PACRG: variants seen among roughly 807,000 people sequenced by gnomAD.
The protein encoded by PACRG is parkin coregulated gene protein.
A neutral mutation model predicts 29.7 loss-of-function variants in PACRG; 29 were observed. That is an observed-to-expected ratio of 0.98 (90% confidence interval 0.73 to 1.33). The LOEUF is 1.33. Ranked by LOEUF, PACRG falls within the 40% of genes most tolerant of loss-of-function variation. The probability of loss-of-function intolerance (pLI) is 0.00; values close to 1 mark genes in which losing one functional copy is unlikely to be tolerated. For missense variants in PACRG, 279 were observed against 316.2 expected (o/e 0.88, Z 0.89); for synonymous variants, 116 against 118.7 (o/e 0.98, Z 0.15).
chr6:162,902,375 T>C (rs1795624018), intron 2 of PACRG, among the ~76,000 whole-genome samples: 1 of 152,216 alleles, frequency 6.6e-6, no homozygotes, highest in South Asian at 2.1e-4. Flanking sequence ...ATGATATACC[T>C]TTAAGTAGCC....
rs528323143 is a variant in PACRG, at chr6:162,777,802, C to T, written c.157-36345C>T. On this transcript the variant is annotated intron_variant, in intron 1 of 4. Transcript: ENST00000366888. This position sits in a 1 kb window ranked among gnomAD's most constrained non-coding sequence, Gnocchi z 4.0. ...ATGGTTCAAATGCAGCTGATTTGAA[C>T]AACATTTACTGCACTTGCTTTGAAC... 7.9e-5 allele frequency among the ~76,000 whole-genome samples: 12 copies of T among 152,254 alleles called. No homozygotes were observed. Among genetic ancestry groups the T allele is most frequent in the African/African-American group, 2.6e-4 (11 of 41,560 alleles).
At chr6:162,865,025 C>T (rs1291433965) in intron 2 of PACRG, among the ~76,000 whole-genome samples, 1 of 152,164 alleles carries the variant, frequency 6.6e-6, no homozygotes, top group East Asian at 1.9e-4. Context: ...TCGGAGTTTG[C>T]AGAACCTCGA....
chr6:162,924,854 C>A (rs1361780709), intron 2 of PACRG, among the ~76,000 whole-genome samples: 1 of 151,504 alleles, frequency 6.6e-6, no homozygotes, highest in Non-Finnish European at 1.5e-5. Flanking sequence ...AAAAGTCCTT[C>A]AAAAAAATCA....
intron 4 of PACRG, among the ~76,000 whole-genome samples, chr6:163,272,576 T>C (rs1171843743): frequency 1.3e-5 from 2 of 152,226 alleles, no homozygotes; most frequent in Non-Finnish European, 2.9e-5. Flanking sequence ...TATAGTATAA[T>C]GTTAAATAAC....
At chr6:162,857,415 G>C (rs532379141) in intron 2 of PACRG, among the ~76,000 whole-genome samples, 1 of 152,314 alleles carries the variant, frequency 6.6e-6, no homozygotes, top group African/African-American at 2.4e-5. Flanking sequence ...TTAGAGTAGA[G>C]ATGCTTTACA....
intron 4 of PACRG, among the ~76,000 whole-genome samples, chr6:163,247,691 C>A (rs373084331): frequency 6.6e-6 from 1 of 151,836 alleles, no homozygotes; most frequent in East Asian, 2.0e-4. Flanking sequence ...TCTATTAGGA[C>A]CCCCCTCCAT....
intron 2 of PACRG, among the ~76,000 whole-genome samples, chr6:162,977,319 A>G: frequency 6.6e-6 from 1 of 152,086 alleles, no homozygotes; most frequent in Non-Finnish European, 1.5e-5. Flanking sequence ...ATTGTCATGT[A>G]AAAGTCCTTC....
chr6:162,995,716 T>G (rs1803971387), intron 2 of PACRG, among the ~76,000 whole-genome samples: 1 of 152,242 alleles, frequency 6.6e-6, no homozygotes. Context: ...TCGCTCACGC[T>G]GGGAGCTGTA....
At chr6:163,290,596 C>G (rs1338285688) in intron 4 of PACRG, among the ~76,000 whole-genome samples, 1 of 152,178 alleles carries the variant, frequency 6.6e-6, no homozygotes, top group Non-Finnish European at 1.5e-5. Context: ...TTCTCCAAGC[C>G]TCCATTGCCT....
chr6:163,028,463 C>T (rs9295208), intron 2 of PACRG, among the ~76,000 whole-genome samples: 84,097 of 151,998 alleles, frequency 0.55, 25,727 homozygotes, highest in East Asian at 0.96. Context: ...ATCATGCAGC[C>T]CTGTAGGACA....
chr6:163,307,982 A>C (rs1785252254), intron 4 of PACRG, among the ~76,000 whole-genome samples: 1 of 152,208 alleles, frequency 6.6e-6, no homozygotes, highest in African/African-American at 2.4e-5. Flanking sequence ...CTTATTCTAA[A>C]ACAGGTAACA....
chr6:163,053,481 G>C (rs114472727), intron 2 of PACRG, among the ~76,000 whole-genome samples: 1,915 of 152,170 alleles, frequency 0.013, 47 homozygotes, highest in African/African-American at 0.043. Context: ...TAAAAGTAAA[G>C]GGAATTTTTT....
At chr6:162,860,812 C>T (rs1791796318) in intron 2 of PACRG, among the ~76,000 whole-genome samples, 1 of 152,176 alleles carries the variant, frequency 6.6e-6, no homozygotes, top group African/African-American at 2.4e-5. Flanking sequence ...TAATTATTCT[C>T]TCCTTGTCCT....
At chr6:162,845,041 C>T (rs1790234676) in intron 2 of PACRG, among the ~76,000 whole-genome samples, 1 of 151,782 alleles carries the variant, frequency 6.6e-6, no homozygotes, top group African/African-American at 2.4e-5. Context: ...ATCTTAGGTT[C>T]TAGAGGAAAT....
intron 4 of PACRG, among the ~76,000 whole-genome samples, chr6:163,274,250 A>G (rs949556321): frequency 2.0e-5 from 3 of 152,146 alleles, no homozygotes; most frequent in African/African-American, 7.2e-5. Context: ...CTCATTGTTC[A>G]GTTCCCACCT....
intron 2 of PACRG, among the ~76,000 whole-genome samples, chr6:162,992,854 T>C (rs1199775697): frequency 2.0e-5 from 3 of 149,996 alleles, no homozygotes; most frequent in Non-Finnish European, 4.4e-5. Context: ...TTTGGATCTT[T>C]CCTGCTTTCT....
chr6:162,934,618 T>C (rs1358618296), intron 2 of PACRG, among the ~76,000 whole-genome samples: 1 of 152,230 alleles, frequency 6.6e-6, no homozygotes, highest in Non-Finnish European at 1.5e-5. Flanking sequence ...TGTATTCATT[T>C]TGCTAATTGT....
Position 163,293,257 on chromosome 6 carries a change from G to A in PACRG, c.614-21570G>A, listed in dbSNP as rs189839331. Among the ~76,000 whole-genome samples, 22 of 152,228 alleles carry A rather than the reference G, an allele frequency of 1.4e-4. No individual in the cohort carries two copies. The East Asian group carries it at 2.9e-3, about 20-fold the overall frequency. ...ATAGCAGTGCCTTAAATCCTTCCTG[G>A]CAGGGATGGCAGCATTGCATGCACA... On this transcript the variant is annotated intron_variant, in intron 4 of 4. Coordinates refer to ENST00000366888, the MANE Select transcript of PACRG (RefSeq NM_001080379.2).
chr6:162,837,631 A>G (rs1207347111), intron 2 of PACRG, among the ~76,000 whole-genome samples: 2 of 152,196 alleles, frequency 1.3e-5, no homozygotes, highest in Non-Finnish European at 2.9e-5. Context: ...ATCAAATGAC[A>G]TTTTCCAATA....
Sources: allele counts gnomAD v4.1 joint callset (sites outside exome capture counted in the v4.1 genomes callset), GRCh38; gene constraint gnomAD v4.1.1; non-coding constraint Gnocchi (gnomAD v3.1); transcripts MANE v1.5; gene names NCBI Gene and HGNC (gene_info 2026-07-23, HGNC 2026-07-21).